Variants in TAFA4 observed in about 807,000 individuals in gnomAD.
TAFA4 encodes the protein TAFA chemokine like family member 4.
In TAFA4, 20 loss-of-function variants were observed where a neutral mutation model predicts 21.1. The observed-to-expected ratio is 0.95, with a 90% confidence interval of 0.67 to 1.38. TAFA4 has a LOEUF of 1.38. Among genes scored for constraint, TAFA4 ranks in the 40% most tolerant of loss-of-function variants. The probability of loss-of-function intolerance (pLI) is 0.00; values close to 1 mark genes in which losing one functional copy is unlikely to be tolerated. For synonymous variants in TAFA4, 71 were observed against 67.4 expected (o/e 1.05, Z -0.26); for missense variants, 211 against 180.9 (o/e 1.17, Z -0.95).
chr3:68,752,775 T>C, intron 4 of TAFA4, 88 bp downstream of exon 4: 2 of 1,549,492 alleles, frequency 1.3e-6, no homozygotes, highest in South Asian at 1.1e-5. Flanking sequence ...CTAGGTTTCT[T>C]TGGGTTGCAA....
intron 3 of TAFA4, among the ~76,000 whole-genome samples, chr3:68,755,155 A>G (rs113112662): frequency 1.3e-3 from 192 of 152,180 alleles, no homozygotes; most frequent in African/African-American, 4.4e-3. Flanking sequence ...CTCTCCCAAC[A>G]ACTCTCTATT....
At position 68,739,160 on chromosome 3, in the gene TAFA4, G is replaced by T; in HGVS notation, c.326C>A (p.Pro109Gln). 6.2e-7 allele frequency: 1 copy of T among 1,613,834 alleles called. No homozygotes were observed. Among genetic ancestry groups the T allele is most frequent in the Non-Finnish European group, 8.5e-7 (1 of 1,179,866 alleles). The change falls in exon 5 of 6, where the codon CCG (proline) becomes CAG (glutamine). Residue 109 changes from proline to glutamine, a missense_variant. Transcript: ENST00000295569. ...VIQKWWCHMN[P>Q]CLEGEDCKVL... ...TTTACAATCCTCTCCTTCCAAACAC[G>T]GATTCATGTGACACCACCATTTCTG...
chr3:68,736,925 C>T (rs1702251565), intron 5 of TAFA4, among the ~76,000 whole-genome samples: 1 of 152,128 alleles, frequency 6.6e-6, no homozygotes, highest in African/African-American at 2.4e-5. Context: ...TATTATCTTT[C>T]TACAACTTTT....
At chr3:68,783,665 C>CAG (rs1428468886) in intron 3 of TAFA4, among the ~76,000 whole-genome samples, 2 of 65,236 alleles carry the variant, frequency 3.1e-5, no homozygotes, top group Non-Finnish European at 5.7e-5. Context: ...ATCACAGACA[C>CAG]ACACACACAG....
At chr3:68,757,972 T>C (rs1012842879) in intron 3 of TAFA4, among the ~76,000 whole-genome samples, 1 of 152,196 alleles carries the variant, frequency 6.6e-6, no homozygotes, top group African/African-American at 2.4e-5. Context: ...AAAAATGCTA[T>C]GGGGTAGGTA....
chr3:68,904,963 G>A (rs1174786193), intron 1 of TAFA4, among the ~76,000 whole-genome samples: 2 of 152,098 alleles, frequency 1.3e-5, no homozygotes, highest in East Asian at 3.8e-4. Context: ...GTAACATGAG[G>A]TAACACAGGT....
intron 3 of TAFA4, among the ~76,000 whole-genome samples, chr3:68,757,871 C>CACA (rs1333502842): frequency 3.3e-5 from 5 of 152,106 alleles, no homozygotes; most frequent in Admixed American, 3.3e-4. Flanking sequence ...TGTTGTATCT[C>CACA]ACAACTGATG....
intron 3 of TAFA4, among the ~76,000 whole-genome samples, chr3:68,869,988 A>C (rs765438545): frequency 6.6e-6 from 1 of 152,084 alleles, no homozygotes; most frequent in Non-Finnish European, 1.5e-5. Context: ...AACACTGAGA[A>C]CTGATAAGTG....
chr3:68,876,324 T>C (rs2089549616), intron 3 of TAFA4, among the ~76,000 whole-genome samples: 1 of 152,174 alleles, frequency 6.6e-6, no homozygotes, highest in African/African-American at 2.4e-5. Flanking sequence ...TGTCAGAACT[T>C]AGGCAATGCA....
chr3:68,732,819 A>G lies in TAFA4; in HGVS notation c.*323T>C, dbSNP rs1178473263. On this transcript the variant is annotated 3_prime_UTR_variant, in exon 6 of 6. Coordinates refer to ENST00000295569, the MANE Select transcript of TAFA4 (RefSeq NM_182522.5). ...AGTTCTTTTGTAAAAGCAGAAAGAA[A>G]GTGAAGAATGAACATGCCCTTAGTG... The G allele has an allele frequency of 1.6e-5, 5 of 315,482 alleles. No individual in the cohort carries two copies. Among genetic ancestry groups the G allele is most frequent in the Non-Finnish European group, 2.9e-5 (5 of 173,078 alleles). 19.5% of individuals were successfully genotyped at this position (315,482 alleles called of 1,614,324 possible).
At position 68,801,521 on chromosome 3, in the gene TAFA4, T is replaced by C. The variant is rs145385108; in HGVS notation, c.131-48503A>G. 3.0e-3 allele frequency among the ~76,000 whole-genome samples: 451 copies of C among 152,328 alleles called. 1 individual carries two copies. The highest frequency in any genetic ancestry group is 0.01 in the African/African-American group (434 of 41,570). On this transcript the variant is annotated intron_variant, in intron 3 of 5. Coordinates refer to ENST00000295569, the MANE Select transcript of TAFA4 (RefSeq NM_182522.5). Reference sequence around the variant, plus strand: ...CACAGCACAAATTGCAGTGGTGCTTTTGCTTTTCTTACTACAAATATCTGT... The same window carrying C: ...CACAGCACAAATTGCAGTGGTGCTTCTGCTTTTCTTACTACAAATATCTGT...
intron 3 of TAFA4, among the ~76,000 whole-genome samples, chr3:68,879,996 A>G (rs914418972): frequency 6.6e-6 from 1 of 152,074 alleles, no homozygotes; most frequent in Admixed American, 6.6e-5. Context: ...GGAAAACACA[A>G]TTTGCTGGGG....
At chr3:68,930,310 GT>G (rs2090147738) in intron 1 of TAFA4, among the ~76,000 whole-genome samples, 1 of 152,278 alleles carries the variant, frequency 6.6e-6, no homozygotes, top group African/African-American at 2.4e-5. Flanking sequence ...ATTTGTAGGG[GT>G]TTTTGTATGT....
At chr3:68,751,373 C>A (rs748659924) in intron 4 of TAFA4, among the ~76,000 whole-genome samples, 1 of 152,068 alleles carries the variant, frequency 6.6e-6, no homozygotes, top group Non-Finnish European at 1.5e-5. Flanking sequence ...GCACACTCAG[C>A]AAGATCTAAG....
At chr3:68,827,082 G>C (rs1704257951) in intron 3 of TAFA4, among the ~76,000 whole-genome samples, 1 of 124,844 alleles carries the variant, frequency 8.0e-6, no homozygotes, top group Non-Finnish European at 1.5e-5. Context: ...TCCTCTCTCT[G>C]TGTCCATGTG....
rs1276295910 is a variant in TAFA4 at position 68,812,946 on chromosome 3, G to A, written c.131-59928C>T. ...GGAAGTAAAGTACTCCTCAGCAAAT[G>A]TAAAAGAACAGAAATTATAACAAAC... On this transcript the variant is annotated intron_variant, in intron 3 of 5. Transcript: ENST00000295569. Among the ~76,000 whole-genome samples the A allele has an allele frequency of 2.0e-5, 3 of 152,256 alleles. No homozygotes were observed. In the East Asian group the frequency reaches 5.8e-4, roughly 29 times the overall value.
intron 1 of TAFA4, among the ~76,000 whole-genome samples, chr3:68,903,295 G>A (rs754690597): frequency 8.6e-5 from 13 of 151,888 alleles, no homozygotes; most frequent in Non-Finnish European, 1.3e-4. Context: ...TCCATAAACC[G>A]GGATGAGAAA....
chr3:68,766,560 A>C (rs566764383), intron 3 of TAFA4, among the ~76,000 whole-genome samples: 1 of 152,012 alleles, frequency 6.6e-6, no homozygotes, highest in African/African-American at 2.4e-5. Flanking sequence ...TAAAAAAAAA[A>C]CTCAGAAAAT....
chr3:68,796,462 T>A (rs1703455673), intron 3 of TAFA4, among the ~76,000 whole-genome samples: 1 of 152,156 alleles, frequency 6.6e-6, no homozygotes, highest in African/African-American at 2.4e-5. Context: ...GCAGGGTTGC[T>A]ACTCACTATT....
Sources: gnomAD v4.1 joint callset for allele counts (sites outside exome capture counted in the v4.1 genomes callset) on GRCh38, gnomAD v4.1.1 for gene constraint, MANE v1.5 for transcripts, NCBI Gene and HGNC (gene_info 2026-07-23, HGNC 2026-07-21) for gene names.